ASB3: variants seen among roughly 807,000 people sequenced by gnomAD.
ASB3 encodes ankyrin repeat and SOCS box protein 3.
ASB3 carries 41 observed loss-of-function variants against 54.5 expected under a neutral mutation model. That is an observed-to-expected ratio of 0.75 (90% confidence interval 0.59 to 0.98). The LOEUF (loss-of-function observed/expected upper bound fraction) is 0.98, where lower values mean the gene tolerates loss of function less well. Ranked by LOEUF, ASB3 falls within the 50% of genes least tolerant of loss-of-function variation. The pLI, the probability that ASB3 is intolerant of heterozygous loss-of-function variation, is 0.00. For missense variants in ASB3, 733 were observed against 620.0 expected (o/e 1.18, Z -1.94); for synonymous variants, 266 against 221.2 (o/e 1.20, Z -1.80).
At chr2:53,730,027 C>T (rs1025864427) in intron 3 of ASB3, among the ~76,000 whole-genome samples, 1 of 151,820 alleles carries the variant, frequency 6.6e-6, no homozygotes, top group African/African-American at 2.4e-5. Context: ...TTTTTTTTAC[C>T]ACTATAAATC....
chr2:53,736,256 C>T (rs960505967), intron 3 of ASB3, among the ~76,000 whole-genome samples: 2 of 152,124 alleles, frequency 1.3e-5, no homozygotes, highest in East Asian at 3.9e-4. Context: ...TCTTGTCATT[C>T]CATTAGGGAA....
chr2:53,749,442 T>A lies in ASB3; in HGVS notation c.355+1341A>T, dbSNP rs562599097. Among the ~76,000 whole-genome samples the A allele has an allele frequency of 6.6e-5, 10 of 152,158 alleles. No homozygotes were observed. The East Asian group carries it at 1.9e-3, about 29-fold the overall frequency. On this transcript the variant is annotated intron_variant, in intron 3 of 9. Coordinates refer to ENST00000263634, the MANE Select transcript of ASB3 (RefSeq NM_016115.5). ...ATATATTTACCATATGTCATACCAA[T>A]CCTAAGTATTAACCCAAGAGAAATA...
At chr2:53,712,028 G>T (rs1274978851) in intron 7 of ASB3, among the ~76,000 whole-genome samples, 1 of 151,998 alleles carries the variant, frequency 6.6e-6, no homozygotes, top group African/African-American at 2.4e-5. Context: ...GAGTAACTGA[G>T]ACATAAAAAG....
intron 5 of ASB3, among the ~76,000 whole-genome samples, chr2:53,721,799 C>A (rs74507271): frequency 0.1 from 15,714 of 151,842 alleles, 1,039 homozygotes; most frequent in Non-Finnish European, 0.15. Flanking sequence ...AAAAACAGAA[C>A]AAACTAACCC....
intron 5 of ASB3, among the ~76,000 whole-genome samples, chr2:53,719,543 A>C (rs191445651): frequency 6.6e-6 from 1 of 152,044 alleles, no homozygotes; most frequent in African/African-American, 2.4e-5. Flanking sequence ...GCCAGCCCCG[A>C]GATAACTCCC....
chr2:53,742,130 A>T (rs1671965064), intron 3 of ASB3, among the ~76,000 whole-genome samples: 1 of 152,222 alleles, frequency 6.6e-6, no homozygotes. Context: ...AGAATCACAC[A>T]AAGTGGTCTA....
rs145603270 is a variant in ASB3 at position 53,681,918 on chromosome 2, G to T, written c.1370-11228C>A. On this transcript the variant is annotated intron_variant, in intron 9 of 9. Coordinates refer to ENST00000263634, the MANE Select transcript of ASB3 (RefSeq NM_016115.5). The stretch of plus-strand genomic sequence containing the variant: ...CTCATGCCTGTAATCCCAGCACTTT[G>T]GGAGGGTGAGGTGGGTGGATCACAA... Among the ~76,000 whole-genome samples, 925 of 152,186 alleles carry T rather than the reference G, an allele frequency of 6.1e-3. 20 individuals are homozygous for T. The East Asian group carries it at 0.073, about 12-fold the overall frequency.
At chr2:53,770,482 G>T (rs1326961192) in intron 1 of ASB3, among the ~76,000 whole-genome samples, 2 of 136,936 alleles carry the variant, frequency 1.5e-5, no homozygotes. Context: ...TTGGTACTCC[G>T]TGGACGAAGT....
rs751655198 is a variant in ASB3, at chr2:53,765,434, T to C, written c.139A>G (p.Ile47Val). The C allele has an allele frequency of 7.4e-6, 12 of 1,614,268 alleles. No homozygotes were observed. In the East Asian group the frequency reaches 2.2e-4, roughly 30 times the overall value. Reference protein sequence around the residue: ...DVADNRGWMPIHEAAYHNSVE... With the variant: ...DVADNRGWMPVHEAAYHNSVE... Reference sequence around the variant, plus strand: ...GAGTTGTGATAAGCTGCTTCATGAATTGGCATCCATCCCCTGTTATCAGCA... The same window carrying C: ...GAGTTGTGATAAGCTGCTTCATGAACTGGCATCCATCCCCTGTTATCAGCA... The change falls in exon 2 of 10, where the codon ATT becomes GTT. Residue 47 changes from isoleucine (I) to valine (V), a missense_variant. Physicochemically the swap from Ile to Val is conservative, Grantham distance 29. Transcript: ENST00000263634.
intron 7 of ASB3, among the ~76,000 whole-genome samples, chr2:53,705,577 G>C (rs1009176658): frequency 1.3e-5 from 2 of 151,892 alleles, no homozygotes; most frequent in African/African-American, 2.4e-5. Context: ...ATCCTGTTTG[G>C]GTTTAACAGG....
intron 9 of ASB3, among the ~76,000 whole-genome samples, chr2:53,684,124 C>G (rs1468909395): frequency 1.3e-5 from 2 of 152,172 alleles, no homozygotes; most frequent in African/African-American, 4.8e-5. Flanking sequence ...GTCTGATACA[C>G]AGCTGACATG....
Position 53,700,398 on chromosome 2 carries a change from A to T in ASB3, c.1111T>A (p.Leu371Met), listed in dbSNP as rs376975252. 2 of 1,614,110 alleles carry T rather than the reference A, an allele frequency of 1.2e-6. No homozygotes were observed. The highest frequency in any genetic ancestry group is 1.7e-6 in the Non-Finnish European group (2 of 1,180,008). The change falls in exon 8 of 10, where the codon TTG becomes ATG. Residue 371 changes from leucine to methionine, a missense_variant. By Grantham distance (15) the Leu-to-Met change is conservative. Coordinates refer to ENST00000263634, the MANE Select transcript of ASB3 (RefSeq NM_016115.5). ...FRYFLRKGCSLGPWNHIYEFV... is the reference protein window; with the variant it reads ...FRYFLRKGCSMGPWNHIYEFV... Reference sequence around the variant, plus strand: ...TCATATATATGGTTCCATGGTCCCAATGAGCAACCTTTCCTCAAAAAGTAG... The same window carrying T: ...TCATATATATGGTTCCATGGTCCCATTGAGCAACCTTTCCTCAAAAAGTAG...
At chr2:53,686,721 TTATTTTC>T (rs1220211773) in intron 9 of ASB3, among the ~76,000 whole-genome samples, 1 of 152,148 alleles carries the variant, frequency 6.6e-6, no homozygotes, top group Non-Finnish European at 1.5e-5. Context: ...ATTTATTTAT[TTATTTTC>T]TGAGAGAGAC....
intron 3 of ASB3, among the ~76,000 whole-genome samples, chr2:53,745,674 T>C (rs1188288880): frequency 3.3e-5 from 5 of 152,238 alleles, no homozygotes; most frequent in Admixed American, 6.5e-5. Flanking sequence ...TTCTATAGCC[T>C]CTAGCAATAG....
At chr2:53,738,891 A>G (rs918217186) in intron 3 of ASB3, among the ~76,000 whole-genome samples, 1 of 152,200 alleles carries the variant, frequency 6.6e-6, no homozygotes, top group African/African-American at 2.4e-5. Flanking sequence ...GCAGAGCTCC[A>G]AGTGTCTGGA....
At chr2:53,683,024 T>G (rs1345102249) in intron 9 of ASB3, among the ~76,000 whole-genome samples, 1 of 152,196 alleles carries the variant, frequency 6.6e-6, no homozygotes, top group Non-Finnish European at 1.5e-5. Flanking sequence ...TGAATCATAG[T>G]GGTGAAAGTG....
intron 3 of ASB3, among the ~76,000 whole-genome samples, chr2:53,746,711 C>A (rs1672247380): frequency 6.6e-6 from 1 of 152,066 alleles, no homozygotes; most frequent in African/African-American, 2.4e-5. Flanking sequence ...AACCCCTGAC[C>A]TCAGGTGATC....
intron 5 of ASB3, among the ~76,000 whole-genome samples, chr2:53,718,198 TGAAC>T (rs1281971967): frequency 2.6e-5 from 4 of 152,104 alleles, no homozygotes; most frequent in Admixed American, 6.5e-5. Flanking sequence ...GAACTCTCTG[TGAAC>T]GTGAATATCA....
chr2:53,700,458 A>G lies in ASB3; in HGVS notation c.1051T>C (p.Tyr351His). 6.2e-7 allele frequency: 1 copy of G among 1,614,140 alleles called. No individual in the cohort carries two copies. Among genetic ancestry groups the G allele is most frequent in the Non-Finnish European group, 8.5e-7 (1 of 1,179,990 alleles). The change falls in exon 8 of 10, where the codon TAC becomes CAC. Residue 351 changes from tyrosine (Y) to histidine (H), a missense_variant. By Grantham distance (83) the Tyr-to-His change is moderately conservative (BLOSUM62 2). Coordinates refer to ENST00000263634, the MANE Select transcript of ASB3 (RefSeq NM_016115.5). Reference protein sequence around the residue: ...GAQINELHLAYCLKYEKFSIF... With the variant: ...GAQINELHLAHCLKYEKFSIF... ...GAAAACTTCTCGTACTTCAGGCAGT[A>G]TGCCAAATGAAGTTCATTTATCTGG...
Sources: allele counts gnomAD v4.1 joint callset (sites outside exome capture counted in the v4.1 genomes callset), GRCh38; gene constraint gnomAD v4.1.1; transcripts MANE v1.5; gene names NCBI Gene and HGNC (gene_info 2026-07-23, HGNC 2026-07-21).